ZFYVE28: variants seen among roughly 807,000 people sequenced by gnomAD.
ZFYVE28 encodes the protein zinc finger FYVE-type containing 28, also known as lateral signaling target protein 2 homolog.
A neutral mutation model predicts 82.1 loss-of-function variants in ZFYVE28; 40 were observed. That is an observed-to-expected ratio of 0.49 (90% CI 0.38 to 0.63). The LOEUF is 0.63. Ranked by LOEUF, ZFYVE28 falls within the 30% of genes least tolerant of loss-of-function variation. ZFYVE28 has a pLI of 0.00. For synonymous variants in ZFYVE28, 612 were observed against 546.1 expected (o/e 1.12, Z -1.68); for missense variants, 1,321 against 1,242.1 (o/e 1.06, Z -0.96).
In ZFYVE28 at chr4:2,281,189, A is replaced by G. The variant is rs1030372856; in HGVS notation, c.2052-6973T>C. 3.9e-5 allele frequency among the ~76,000 whole-genome samples: 6 copies of G among 152,108 alleles called. No homozygotes were observed. The South Asian group carries it at 1.2e-3, about 32-fold the overall frequency. ...ATACAGAGATGTCACAGGTAGAAAAACCAATGAGGTACTGCCCAAGGGAAC... is the reference window on the plus strand; with the variant it reads ...ATACAGAGATGTCACAGGTAGAAAAGCCAATGAGGTACTGCCCAAGGGAAC... On this transcript the variant is annotated intron_variant, in intron 8 of 12. Transcript: ENST00000290974.
intron 8 of ZFYVE28, among the ~76,000 whole-genome samples, chr4:2,291,041 G>C (rs927011972): frequency 1.3e-5 from 2 of 152,226 alleles, no homozygotes; most frequent in African/African-American, 4.8e-5. Context: ...CTGCACGTGT[G>C]CTCCTGCCCC....
intron 7 of ZFYVE28, among the ~76,000 whole-genome samples, chr4:2,308,785 A>C (rs1408672625): frequency 1.3e-5 from 2 of 152,094 alleles, no homozygotes; most frequent in Non-Finnish European, 1.5e-5. Context: ...GGAAGGAAGG[A>C]AGCTAGCTAG....
At chr4:2,411,855 T>C (rs1578430712) in intron 1 of ZFYVE28, among the ~76,000 whole-genome samples, 1 of 152,148 alleles carries the variant, frequency 6.6e-6, no homozygotes, top group Admixed American at 6.5e-5. Context: ...TGGAGTCCTC[T>C]CCTAGGTCCT....
chr4:2,374,535 C>T (rs113162715), intron 1 of ZFYVE28, among the ~76,000 whole-genome samples: 1 of 152,102 alleles, frequency 6.6e-6, no homozygotes, highest in African/African-American at 2.4e-5. Flanking sequence ...ATCACTTGAG[C>T]CCAGGCAGGT....
intron 1 of ZFYVE28, among the ~76,000 whole-genome samples, chr4:2,396,885 G>C (rs902333811): frequency 6.6e-6 from 1 of 152,216 alleles, no homozygotes; most frequent in East Asian, 1.9e-4. Flanking sequence ...GACTGACACG[G>C]AGTCACTGGG....
chr4:2,355,443 G>A (rs537251417), intron 1 of ZFYVE28, among the ~76,000 whole-genome samples: 4 of 139,962 alleles, frequency 2.9e-5, no homozygotes, highest in East Asian at 2.1e-4. Context: ...CACCACGCCC[G>A]GCCAATTTTT....
In ZFYVE28 at chr4:2,408,491, C is replaced by A. The variant is rs77134887; in HGVS notation, c.39+9794G>T. ...CATCGGGGAGAAAGCCTGGAGGGGG[C>A]CTGCCTGACAGCTGCACCAGCCGGG... On this transcript the variant is annotated intron_variant, in intron 1 of 12. Transcript: ENST00000290974. The surrounding 1 kb of genome is among the most constrained non-coding windows in gnomAD (Gnocchi z 4.3). Among the ~76,000 whole-genome samples, 2,895 of 152,330 alleles carry A rather than the reference C, an allele frequency of 0.019. 74 individuals carry two copies. Among genetic ancestry groups the A allele is most frequent in the African/African-American group, 0.063 (2,619 of 41,566 alleles).
At chr4:2,337,353 G>A in intron 5 of ZFYVE28, 54 bp downstream of exon 5, 1 of 1,504,344 alleles carries the variant, frequency 6.6e-7, no homozygotes, top group Non-Finnish European at 9.0e-7. Context: ...GGCCTGGAGT[G>A]AGGCAGGGAC....
intron 8 of ZFYVE28, chr4:2,286,954 C>T (rs887984141): frequency 3.9e-5 from 6 of 152,128 alleles, no homozygotes; most frequent in African/African-American, 1.4e-4. Flanking sequence ...GGATGGATAC[C>T]AACTCCAATA....
At position 2,320,179 on chromosome 4, in the gene ZFYVE28, C is replaced by T. The variant is rs200537981; in HGVS notation, c.794G>A (p.Arg265Gln). ...ELFRPFHTLL[R>Q]KIRDLLQTLT... is the part of the protein sequence containing the mutation. ...CTAGCTCCATCCCCACCTTATTTTC[C>T]GCAGCAACGTGTGGAAGGGCCGGAA... is the stretch of plus-strand genomic sequence containing the variant. Residue 265 changes from arginine (R) to glutamine (Q), a missense_variant, in exon 7 of 13, where the codon CGG becomes CAG. Arg to Gln is a conservative substitution (Grantham distance 43, BLOSUM62 1). Transcript: ENST00000290974. The surrounding 1 kb of genome is among the most constrained non-coding windows in gnomAD (Gnocchi z 5.1). 66 of 1,613,766 alleles carry T rather than the reference C, an allele frequency of 4.1e-5. No homozygotes were observed. The Admixed American group carries it at 8.3e-4, about 20-fold the overall frequency.
intron 6 of ZFYVE28, among the ~76,000 whole-genome samples, chr4:2,334,154 G>A (rs897680178): frequency 2.6e-5 from 4 of 152,148 alleles, no homozygotes; most frequent in East Asian, 1.9e-4. Flanking sequence ...TGTGAAAGAC[G>A]CAACCTCTGC....
At position 2,371,082 on chromosome 4, in the gene ZFYVE28, C is replaced by T. The variant is rs571604071; in HGVS notation, c.40-17009G>A. ...CAGTTGTTAGGTTTCGGGCCCCGCT[C>T]CTTAGGAGAAGTTGCAGGTGGGCGA... On this transcript the variant is annotated intron_variant, in intron 1 of 12. Coordinates refer to ENST00000290974, the MANE Select transcript of ZFYVE28 (RefSeq NM_020972.3). Among the ~76,000 whole-genome samples the T allele has an allele frequency of 2.0e-5, 3 of 152,286 alleles. No individual in the cohort carries two copies. The East Asian group carries it at 5.8e-4, about 29-fold the overall frequency.
intron 2 of ZFYVE28, among the ~76,000 whole-genome samples, chr4:2,345,372 C>G (rs538191251): frequency 6.6e-6 from 1 of 151,688 alleles, no homozygotes; most frequent in African/African-American, 2.4e-5. Context: ...CTAGAGACAA[C>G]GAAGAAACTA....
intron 1 of ZFYVE28, among the ~76,000 whole-genome samples, chr4:2,368,317 G>A (rs1237641530): frequency 7.2e-5 from 11 of 152,056 alleles, no homozygotes; most frequent in Admixed American, 2.6e-4. Flanking sequence ...CGGGAAGATC[G>A]CTTGAGCCCG....
intron 1 of ZFYVE28, among the ~76,000 whole-genome samples, chr4:2,393,289 G>A (rs763897351): frequency 6.6e-6 from 1 of 152,240 alleles, no homozygotes; most frequent in Non-Finnish European, 1.5e-5. Flanking sequence ...GTCAAACACA[G>A]AGTAATTCCA....
intron 1 of ZFYVE28, among the ~76,000 whole-genome samples, chr4:2,389,850 C>A (rs982739014): frequency 6.6e-6 from 1 of 152,162 alleles, no homozygotes; most frequent in East Asian, 1.9e-4. Flanking sequence ...CAGGAAAACA[C>A]ACCACGTGCT....
At chr4:2,349,218 A>T (rs1332487395) in intron 2 of ZFYVE28, among the ~76,000 whole-genome samples, 1 of 152,152 alleles carries the variant, frequency 6.6e-6, no homozygotes, top group African/African-American at 2.4e-5. Context: ...TGTTTATGTG[A>T]TACCATAGCT....
In ZFYVE28 at chr4:2,341,438, C is replaced by T; in HGVS notation, c.318+40G>A. 1.2e-6 allele frequency: 2 copies of T among 1,608,928 alleles called. No homozygotes were observed. Among genetic ancestry groups the T allele is most frequent in the South Asian group, 2.2e-5 (2 of 90,556 alleles). ...TCGCAGGGACTTGGCTAGACGCCAC[C>T]CCACATCAGGACCTCCGAACCCGGG... is the stretch of plus-strand genomic sequence containing the variant. On this transcript the variant is annotated intron_variant, in intron 3 of 12. Transcript: ENST00000290974. The surrounding 1 kb of genome is among the most constrained non-coding windows in gnomAD (Gnocchi z 4.5).
At chr4:2,370,108 G>A (rs1287133160) in intron 1 of ZFYVE28, among the ~76,000 whole-genome samples, 6 of 151,706 alleles carry the variant, frequency 4.0e-5, no homozygotes, top group Admixed American at 1.3e-4. Context: ...TTAGCCTTCC[G>A]AAGTGCTGGG....
Sources: gnomAD v4.1 joint callset for allele counts (sites outside exome capture counted in the v4.1 genomes callset) on GRCh38, gnomAD v4.1.1 for gene constraint, Gnocchi (gnomAD v3.1) non-coding constraint, MANE v1.5 for transcripts, NCBI Gene and HGNC (gene_info 2026-07-23, HGNC 2026-07-21) for gene names.